The following OC90 variants were observed in gnomAD, a reference collection of about 807,000 sequenced individuals.
OC90 encodes the protein otoconin 90, also known as otoconin-90.
In OC90, 46 loss-of-function variants were observed where a neutral mutation model predicts 47.3. That is an observed-to-expected ratio of 0.97 (90% CI 0.77 to 1.24). The LOEUF is 1.24. Ranked by LOEUF, OC90 falls within the 50% of genes most tolerant of loss-of-function variation. OC90 has a pLI of 0.00. For synonymous variants in OC90, 271 were observed against 219.5 expected (o/e 1.23, Z -2.07); for missense variants, 688 against 583.9 (o/e 1.18, Z -1.84).
intron 13 of OC90, among the ~76,000 whole-genome samples, chr8:132,027,969 G>C (rs1388499567): frequency 1.3e-5 from 2 of 152,212 alleles, no homozygotes; most frequent in Non-Finnish European, 1.5e-5. Context: ...ATTTCTAACT[G>C]TGTGATCTTG....
At chr8:132,040,320 G>A (rs1290638845) in intron 6 of OC90, among the ~76,000 whole-genome samples, 2 of 152,186 alleles carry the variant, frequency 1.3e-5, no homozygotes, top group Non-Finnish European at 2.9e-5. Context: ...TTGTAAGGAA[G>A]ATCAGAGTTT....
intron 6 of OC90, among the ~76,000 whole-genome samples, chr8:132,040,373 T>TGGCTGTAATATA (rs1471875290): frequency 6.6e-6 from 1 of 152,222 alleles, no homozygotes; most frequent in Non-Finnish European, 1.5e-5. Context: ...ACATAAAGTA[T>TGGCTGTAATATA]GGCTGTAATA....
At chr8:132,046,080 C>G (rs1305851271) in intron 2 of OC90, among the ~76,000 whole-genome samples, 197 bp from the exon 3 acceptor site, 1 of 152,002 alleles carries the variant, frequency 6.6e-6, no homozygotes, top group Non-Finnish European at 1.5e-5. Flanking sequence ...CTGAGGTAAC[C>G]CTGATGTCTT....
At chr8:132,044,836 G>T (rs867959478) in intron 3 of OC90, among the ~76,000 whole-genome samples, 5 of 152,134 alleles carry the variant, frequency 3.3e-5, no homozygotes, top group African/African-American at 1.2e-4. Flanking sequence ...CATCCTACTG[G>T]GTGTCCTAGA....
chr8:132,045,312 C>T (rs963312409), intron 3 of OC90, among the ~76,000 whole-genome samples: 4 of 152,322 alleles, frequency 2.6e-5, no homozygotes, highest in South Asian at 2.1e-4. Flanking sequence ...ACATCACCAG[C>T]GAATTCACTA....
At chr8:132,049,054 T>C (rs1212661550) in intron 2 of OC90, among the ~76,000 whole-genome samples, 1 of 151,586 alleles carries the variant, frequency 6.6e-6, no homozygotes, top group Non-Finnish European at 1.5e-5. Flanking sequence ...AGGTTGACGA[T>C]GAAGGTAATG....
intron 1 of OC90, 32 bp from the exon 2 acceptor site, chr8:132,055,105 G>A: frequency 8.3e-7 from 1 of 1,208,296 alleles, no homozygotes; most frequent in Non-Finnish European, 1.2e-6. Flanking sequence ...TAGGATGGAA[G>A]CATTTTCAGA....
Position 132,041,101 on chromosome 8 carries a change from G to C in OC90, c.400C>G (p.Gln134Glu). 1 of 1,613,858 alleles carries C rather than the reference G, an allele frequency of 6.2e-7. No homozygotes were observed. Among genetic ancestry groups the C allele is most frequent in the Non-Finnish European group, 8.5e-7 (1 of 1,179,736 alleles). Residue 134 changes from glutamine to glutamate, a missense_variant, in exon 6 of 14, where the codon CAA becomes GAA. Gln to Glu is a conservative substitution (Grantham distance 29). Transcript: ENST00000254627. ...TCTGTGCTAAGTTTGGCGGGGTCTT[G>C]GAGACAGTCCATCTCAGCGGCCTCC... is the stretch of plus-strand genomic sequence containing the variant. ...YEEAAEMDCL[Q>E]DPAKLSTEVN...
At chr8:132,034,111 C>A (rs917564914) in intron 10 of OC90, among the ~76,000 whole-genome samples, 1 of 152,192 alleles carries the variant, frequency 6.6e-6, no homozygotes, top group Admixed American at 6.5e-5. Flanking sequence ...TAATTTCTTT[C>A]TATCATGTTC....
At position 132,039,057 on chromosome 8, in the gene OC90, C is replaced by T. The variant is rs752717401; in HGVS notation, c.524G>A (p.Arg175Gln). 1.7e-5 allele frequency: 27 copies of T among 1,613,692 alleles called. 1 individual carries two copies. Among genetic ancestry groups the T allele is most frequent in the African/African-American group, 1.5e-4 (11 of 74,886 alleles). Residue 175 changes from arginine to glutamine, a missense_variant, in exon 7 of 14, where the codon CGA becomes CAA. Transcript: ENST00000254627. ...CDKAAIECLA[R>Q]SSLNSSLNLL... is the part of the protein sequence containing the mutation. ...GTTCAGGGAAGAGTTGAGGCTGGAT[C>T]GAGCCAAGCACTCTATGGCAGCCTT...
At chr8:132,025,579 G>C (rs7816782) in intron 13 of OC90, among the ~76,000 whole-genome samples, 2 of 152,146 alleles carry the variant, frequency 1.3e-5, no homozygotes, top group African/African-American at 2.4e-5. Flanking sequence ...AGCCTGCCCC[G>C]GGGGAGGGAT....
rs777530799 is a variant in OC90, at chr8:132,034,762, T to C, written c.733+19A>G. On this transcript the variant is annotated intron_variant, in intron 10 of 13. Coordinates refer to ENST00000254627, the MANE Select transcript of OC90 (RefSeq NM_001080399.3). ...TAAATGTGTCATGAACATAGGCAGG[T>C]GGAGCCCAGTAGGCTTACCTGGAGG... is the stretch of plus-strand genomic sequence containing the variant. 6.3e-7 allele frequency: 1 copy of C among 1,580,864 alleles called. No individual in the cohort carries two copies. Among genetic ancestry groups the C allele is most frequent in the Non-Finnish European group, 8.7e-7 (1 of 1,151,898 alleles).
intron 2 of OC90, among the ~76,000 whole-genome samples, chr8:132,048,401 T>G (rs1823164268): frequency 6.8e-6 from 1 of 146,866 alleles, no homozygotes. Context: ...TGAGAGCAAT[T>G]TGGGATGGTT....
At chr8:132,026,683 G>A (rs1822762904) in intron 13 of OC90, among the ~76,000 whole-genome samples, 1 of 152,192 alleles carries the variant, frequency 6.6e-6, no homozygotes, top group African/African-American at 2.4e-5. Flanking sequence ...TTCAGATGCA[G>A]TGTTCCTGGA....
At chr8:132,055,132 C>T (rs1823264847) in intron 1 of OC90, 59 bp from the exon 2 acceptor site, 4 of 909,342 alleles carry the variant, frequency 4.4e-6, no homozygotes, top group South Asian at 1.6e-5. Context: ...ATGAAAGAAC[C>T]CATGGGACCC....
At chr8:132,050,786 A>G (rs896534305) in intron 2 of OC90, among the ~76,000 whole-genome samples, 1 of 152,132 alleles carries the variant, frequency 6.6e-6, no homozygotes, top group Non-Finnish European at 1.5e-5. Flanking sequence ...AGATCACCTG[A>G]GGTTGGGAGT....
rs1041414021 is a variant in OC90 at position 132,048,986 on chromosome 8, C to A, written c.47-3103G>T. ...TCCACCTGCTAAAGGTGTCTGTGTC[C>A]CCAGAGGTAATTCCATGATGAATTT... On this transcript the variant is annotated intron_variant, in intron 2 of 13. Coordinates refer to ENST00000254627, the MANE Select transcript of OC90 (RefSeq NM_001080399.3). 6.6e-5 allele frequency among the ~76,000 whole-genome samples: 10 copies of A among 151,584 alleles called. 3 individuals carry two copies. Among genetic ancestry groups the A allele is most frequent in the African/African-American group, 2.4e-4 (10 of 40,904 alleles).
chr8:132,028,644 AAGGAAGG>A (rs1331827251), intron 13 of OC90, among the ~76,000 whole-genome samples: 2 of 111,540 alleles, frequency 1.8e-5, no homozygotes, highest in African/African-American at 6.6e-5. Context: ...GAAAGAAAGG[AAGGAAGG>A]AAGAAAGAAA....
At chr8:132,033,820 C>A (rs189137629) in intron 10 of OC90, among the ~76,000 whole-genome samples, 1 of 152,298 alleles carries the variant, frequency 6.6e-6, no homozygotes, top group East Asian at 1.9e-4. Context: ...AAATCTCCAG[C>A]CTTCCCAGTA....
Sources: allele counts gnomAD v4.1 joint callset (sites outside exome capture counted in the v4.1 genomes callset), GRCh38; gene constraint gnomAD v4.1.1; transcripts MANE v1.5; gene names NCBI Gene and HGNC (gene_info 2026-07-23, HGNC 2026-07-21).